RNPEPL1: variants seen among roughly 807,000 people sequenced by gnomAD.
The protein encoded by RNPEPL1 is arginyl aminopeptidase like 1.
In RNPEPL1, 46 loss-of-function variants were observed where a neutral mutation model predicts 69.0. That is an observed-to-expected ratio of 0.67 (90% CI 0.53 to 0.85). The LOEUF is 0.85. Ranked by LOEUF, RNPEPL1 falls within the 40% of genes least tolerant of loss-of-function variation. RNPEPL1 has a pLI of 0.00. For synonymous variants in RNPEPL1, 525 were observed against 454.1 expected, an observed-to-expected ratio of 1.16 and a Z score of -1.98; for missense variants, 869 against 992.5, an observed-to-expected ratio of 0.88 and a Z score of 1.67.
At chr2:240,573,721 G>A (rs2093029282) in intron 3 of RNPEPL1, 54 bp from the exon 4 acceptor site, 3 of 1,414,918 alleles carry the variant, frequency 2.1e-6, no homozygotes, top group Admixed American at 2.2e-5. Context: ...AGCCTGGTGG[G>A]GTGAGCGGGG....
chr2:240,572,351 G>C (rs2093024143), intron 1 of RNPEPL1, 72 bp from the exon 2 acceptor site: 7 of 1,497,640 alleles, frequency 4.7e-6, no homozygotes, highest in Non-Finnish European at 6.3e-6. Flanking sequence ...CTTCTCTCAG[G>C]CTGCTGCCCA....
At chr2:240,570,405 G>A (rs11684114) in intron 1 of RNPEPL1, among the ~76,000 whole-genome samples, 18,764 of 152,286 alleles carry the variant, frequency 0.12, 1,290 homozygotes, top group Middle Eastern at 0.18. Context: ...GGGGCCTAGC[G>A]TCACCTGGCC....
At chr2:240,571,334 T>C (rs1374936253) in intron 1 of RNPEPL1, among the ~76,000 whole-genome samples, 1 of 152,170 alleles carries the variant, frequency 6.6e-6, no homozygotes, top group Non-Finnish European at 1.5e-5. Flanking sequence ...GGATTCCACT[T>C]GTCCAGTCTT....
In RNPEPL1 at chr2:240,575,586, G is replaced by A. The variant is rs2093035306; in HGVS notation, c.1486G>A (p.Glu496Lys). ...CCTGAGCTTCTTCCCGGAGCTGAAG[G>A]AGCAGAGCGTGGACTGCCGGGCAGG... ...SFLSFFPELK[E>K]QSVDCRAGLE... is the part of the protein sequence containing the mutation. The change falls in exon 8 of 11, where the codon GAG becomes AAG. Residue 496 changes from glutamate (E) to lysine (K), a missense_variant. Glu to Lys is a moderately conservative substitution (Grantham distance 56). This residue lies in a region of RNPEPL1 where 610 missense variants were observed against 790.9 expected (regional missense o/e 0.77). Coordinates refer to ENST00000270357, the MANE Select transcript of RNPEPL1 (RefSeq NM_018226.6). 6.2e-7 allele frequency: 1 copy of A among 1,613,210 alleles called. No individual in the cohort carries two copies. The highest frequency in any genetic ancestry group is 1.1e-5 in the South Asian group (1 of 91,092).
chr2:240,571,940 C>T (rs543334259), intron 1 of RNPEPL1, among the ~76,000 whole-genome samples: 2 of 152,152 alleles, frequency 1.3e-5, no homozygotes, highest in South Asian at 2.1e-4. Flanking sequence ...TGGGCCCGGG[C>T]GTGCTGCCTG....
rs946218997 is a variant in RNPEPL1 at position 240,568,906 on chromosome 2, C to T, written c.320C>T (p.Ser107Phe). The part of the protein sequence containing the change: ...AAETPCAFAF[S>F]APGPGPAPPP... ...GAGACGCCCTGCGCCTTCGCCTTCT[C>T]CGCCCCCGGGCCGGGGCCCGCGCCG... The change falls in exon 1 of 11, where the codon TCC (serine) becomes TTC (phenylalanine). Residue 107 changes from serine (S) to phenylalanine (F), a missense_variant. Transcript: ENST00000270357. This position sits in a 1 kb window ranked among gnomAD's most constrained non-coding sequence, Gnocchi z 6.2. 3.4e-5 allele frequency: 44 copies of T among 1,278,450 alleles called. No homozygotes were observed. The Admixed American group carries it at 7.1e-4, about 21-fold the overall frequency. 79.2% of individuals were successfully genotyped at this position (1,278,450 alleles called of 1,614,324 possible). A position where few individuals can be genotyped will look rare whatever the true frequency, so the allele number is the denominator to read the frequency against.
chr2:240,574,690 C>A, intron 6 of RNPEPL1, 62 bp downstream of exon 6: 1 of 1,352,442 alleles, frequency 7.4e-7, no homozygotes, highest in Non-Finnish European at 1.0e-6. Context: ...GCCTCCTTGC[C>A]TGCCCTTCGT....
chr2:240,577,461 C>T (rs910757054), intron 10 of RNPEPL1, 138 bp from the exon 11 acceptor site: 1 of 952,270 alleles, frequency 1.1e-6, no homozygotes, highest in Non-Finnish European at 1.5e-6. Flanking sequence ...GGCCTCCTGG[C>T]CACCGGAGTC....
Position 240,575,503 on chromosome 2 carries a change from C to A in RNPEPL1, c.1403C>A (p.Ala468Asp), listed in dbSNP as rs1263531370. 1 of 1,613,020 alleles carries A rather than the reference C, an allele frequency of 6.2e-7. No homozygotes were observed. The change falls in exon 8 of 11, where the codon GCC becomes GAC. Residue 468 changes from alanine (A) to aspartate (D), a missense_variant and splice_region_variant. Coordinates refer to ENST00000270357, the MANE Select transcript of RNPEPL1 (RefSeq NM_018226.6). Reference sequence around the variant, plus strand: ...TGAGGCCCCACCTCTGCCACACAGGCCTATGTGGAGAAGTACAAGTTCACC... The same window carrying A: ...TGAGGCCCCACCTCTGCCACACAGGACTATGTGGAGAAGTACAAGTTCACC... ...DPQRFDDFLRAYVEKYKFTSV... is the reference protein window; with the variant it reads ...DPQRFDDFLRDYVEKYKFTSV...
intron 8 of RNPEPL1, 137 bp from the exon 9 acceptor site, chr2:240,576,398 C>T: frequency 1.3e-6 from 1 of 758,934 alleles, no homozygotes; most frequent in Non-Finnish European, 2.1e-6. Context: ...GCTGACTCCG[C>T]CTTCCTGAAC....
Position 240,581,146 on chromosome 2 carries a change from G to C in RNPEPL1, c.*3254G>C, listed in dbSNP as rs138672840. 3.8e-4 allele frequency: 58 copies of C among 152,312 alleles called. No homozygotes were observed. Among genetic ancestry groups the C allele is most frequent in the African/African-American group, 1.2e-3 (51 of 41,544 alleles). The allele number at this position is 152,312 out of a possible 1,614,324, so 9.4% of individuals were successfully genotyped here. A position where few individuals can be genotyped will look rare whatever the true frequency, so the allele number is the denominator to read the frequency against. On this transcript the variant is annotated 3_prime_UTR_variant, in exon 11 of 11. Transcript: ENST00000270357. Reference sequence around the variant, plus strand: ...AGCAACACAGTGTGAAGGAAAACAGGCCACTCAACCCAAACTTACACCTGA... The same window carrying C: ...AGCAACACAGTGTGAAGGAAAACAGCCCACTCAACCCAAACTTACACCTGA...
intron 1 of RNPEPL1, among the ~76,000 whole-genome samples, chr2:240,569,995 C>G (rs1400396976): frequency 2.0e-5 from 3 of 152,204 alleles, no homozygotes; most frequent in African/African-American, 7.2e-5. Flanking sequence ...TGTACATTTC[C>G]CAGGAGCCCT....
chr2:240,577,076 T>TG, intron 10 of RNPEPL1, 86 bp downstream of exon 10: 1 of 1,543,714 alleles, frequency 6.5e-7, no homozygotes, highest in Non-Finnish European at 8.9e-7. Flanking sequence ...TCTGAGCCCT[T>TG]GGGGCAGGCC....
Position 240,577,033 on chromosome 2 carries a change from C to T in RNPEPL1, c.1884+43C>T, listed in dbSNP as rs376267907. The T allele has an allele frequency of 2.1e-5, 34 of 1,607,876 alleles. No homozygotes were observed. In the African/African-American group the frequency reaches 3.1e-4, roughly 15 times the overall value. On this transcript the variant is annotated intron_variant, in intron 10 of 10. Coordinates refer to ENST00000270357, the MANE Select transcript of RNPEPL1 (RefSeq NM_018226.6). ...GGGGGCCAGCCTGGAACGGCCTAGC[C>T]GTGCGGACTGGGAGTCCCACCCGAC... is the stretch of plus-strand genomic sequence containing the variant.
intron 7 of RNPEPL1, 37 bp from the exon 8 acceptor site, chr2:240,575,465 C>G: frequency 1.3e-6 from 2 of 1,570,896 alleles, no homozygotes; most frequent in Non-Finnish European, 1.8e-6. Flanking sequence ...GTGCCCCACC[C>G]TTCCAGGCCT....
intron 1 of RNPEPL1, among the ~76,000 whole-genome samples, chr2:240,569,814 C>T (rs1490963638): frequency 6.6e-6 from 1 of 152,230 alleles, no homozygotes; most frequent in Non-Finnish European, 1.5e-5. Context: ...TGACACCCGA[C>T]ATATGCAAGA....
rs141453754 is a variant in RNPEPL1, at chr2:240,573,172, C to T, written c.732C>T (p.Gly244=). The T allele has an allele frequency of 4.7e-5, 76 of 1,607,278 alleles. No individual in the cohort carries two copies. Among genetic ancestry groups the T allele is most frequent in the Non-Finnish European group, 5.3e-5 (63 of 1,177,832 alleles). The change falls in exon 3 of 11, where the codon GGC becomes GGT. Residue 244 remains glycine (G), a synonymous_variant. Coordinates refer to ENST00000270357, the MANE Select transcript of RNPEPL1 (RefSeq NM_018226.6). Reference sequence around the variant, plus strand: ...GGAGTGCATACATGGAGGAAGAAGGCGTCTTCCACTTCCACATGGAGCACC... The same window carrying T: ...GGAGTGCATACATGGAGGAAGAAGGTGTCTTCCACTTCCACATGGAGCACC... ...ATRSAYMEEE[G]VFHFHMEHPV... is the part of the protein sequence containing the mutation.
intron 8 of RNPEPL1, chr2:240,576,107 A>T: frequency 3.7e-6 from 1 of 270,928 alleles, no homozygotes; most frequent in Non-Finnish European, 7.1e-6. Flanking sequence ...TGGAAGGTAC[A>T]GCAAGTGCAT....
Position 240,574,126 on chromosome 2 carries a change from T to G in RNPEPL1, c.952T>G (p.Phe318Val). ...PYMWGRYDIVFLPPSFPIVAM... is the reference protein window; with the variant it reads ...PYMWGRYDIVVLPPSFPIVAM... ...CTCCCGGTGCAGGTACGACATTGTC[T>G]TCCTGCCACCCTCCTTCCCCATCGT... The change falls in exon 5 of 11, where the codon TTC becomes GTC. Residue 318 changes from phenylalanine to valine, a missense_variant. Physicochemically the swap from Phe to Val is conservative, Grantham distance 50. Transcript: ENST00000270357. The G allele has an allele frequency of 6.2e-7, 1 of 1,612,920 alleles. No individual in the cohort carries two copies. The highest frequency in any genetic ancestry group is 8.5e-7 in the Non-Finnish European group (1 of 1,179,750).
Sources: allele counts gnomAD v4.1 joint callset (sites outside exome capture counted in the v4.1 genomes callset), GRCh38; gene constraint gnomAD v4.1.1; regional missense constraint gnomAD v4.1.1; non-coding constraint Gnocchi (gnomAD v3.1); transcripts MANE v1.5; gene names NCBI Gene and HGNC (gene_info 2026-07-23, HGNC 2026-07-21).